SLC13A3: variants seen among roughly 807,000 people sequenced by gnomAD.
SLC13A3 encodes the protein solute carrier family 13 member 3.
A neutral mutation model predicts 59.0 loss-of-function variants in SLC13A3; 40 were observed. The observed-to-expected ratio is 0.68, with a 90% CI of 0.53 to 0.88. SLC13A3 has a LOEUF of 0.88. SLC13A3 is among the 40% of genes least tolerant of loss of function. The pLI, the probability that SLC13A3 is intolerant of heterozygous loss-of-function variation, is 0.00. For synonymous variants in SLC13A3, 317 were observed against 330.3 expected (o/e 0.96, Z 0.44); for missense variants, 699 against 783.2 (o/e 0.89, Z 1.28).
intron 12 of SLC13A3, among the ~76,000 whole-genome samples, chr20:46,561,105 A>G (rs775591412): frequency 6.6e-6 from 1 of 152,302 alleles, no homozygotes; most frequent in South Asian, 2.1e-4. Flanking sequence ...AGTTGAATGC[A>G]TATCTGATTG....
chr20:46,621,558 A>G (rs1023807873), intron 1 of SLC13A3, among the ~76,000 whole-genome samples: 1 of 152,186 alleles, frequency 6.6e-6, no homozygotes, highest in African/African-American at 2.4e-5. Flanking sequence ...TTTTTCATGA[A>G]CTTTTTGAAG....
intron 1 of SLC13A3, among the ~76,000 whole-genome samples, chr20:46,668,259 G>C (rs2063072195): frequency 6.6e-6 from 1 of 152,220 alleles, no homozygotes; most frequent in Non-Finnish European, 1.5e-5. Context: ...GGCCTCTTGT[G>C]CCAAACAGTT....
rs761562380 is a variant in SLC13A3 at position 46,559,976 on chromosome 20, C to T, written c.*46G>A. The T allele has an allele frequency of 5.0e-5, 78 of 1,560,664 alleles. No homozygotes were observed. The highest frequency in any genetic ancestry group is 6.3e-5 in the Non-Finnish European group (72 of 1,135,430). On this transcript the variant is annotated 3_prime_UTR_variant, in exon 13 of 13. Transcript: ENST00000279027. ...GTGTCCTAGCAGCAGGTGATGGTGA[C>T]AGCCCTTTGAGAGGGTTCAGCCTCA...
At chr20:46,616,195 A>G (rs183026720) in intron 1 of SLC13A3, among the ~76,000 whole-genome samples, 172 of 152,356 alleles carry the variant, frequency 1.1e-3, no homozygotes, top group African/African-American at 3.9e-3. Context: ...TTTGAGAATC[A>G]CAAGACCAGA....
At chr20:46,598,519 A>C (rs966423458) in intron 4 of SLC13A3, among the ~76,000 whole-genome samples, 15 of 152,336 alleles carry the variant, frequency 9.8e-5, no homozygotes, top group Admixed American at 3.9e-4. Flanking sequence ...TGGGTTTTGC[A>C]ACAGACCCAG....
chr20:46,636,769 G>A (rs988836842), intron 1 of SLC13A3, among the ~76,000 whole-genome samples: 4 of 151,822 alleles, frequency 2.6e-5, no homozygotes, highest in Non-Finnish European at 5.9e-5. Context: ...TGCTTCTTGG[G>A]CCCTGGGCTC....
intron 1 of SLC13A3, among the ~76,000 whole-genome samples, chr20:46,649,549 C>A (rs2062932617): frequency 1.3e-5 from 2 of 152,250 alleles, no homozygotes; most frequent in South Asian, 2.1e-4. Flanking sequence ...TGCCTATGGC[C>A]TCGCAGACAG....
chr20:46,676,889 G>C lies in SLC13A3; in HGVS notation c.-31+7507C>G, dbSNP rs149353165. Among the ~76,000 whole-genome samples, 704 of 152,226 alleles carry C rather than the reference G, an allele frequency of 4.6e-3. 8 individuals are homozygous for C. Among genetic ancestry groups the C allele is most frequent in the African/African-American group, 0.016 (653 of 41,550 alleles). The stretch of plus-strand genomic sequence containing the variant: ...ATGGCCTACGCCAGGGTGGCCAGGA[G>C]GGGGAACGGAGAGTAGTTCCAAATT... On this transcript the variant is annotated intron_variant, in intron 1 of 6. Transcript: ENST00000372121.
intron 5 of SLC13A3, among the ~76,000 whole-genome samples, chr20:46,595,850 T>C (rs752745627): frequency 1.2e-4 from 19 of 152,318 alleles, no homozygotes; most frequent in Admixed American, 2.0e-4. Flanking sequence ...ACGGGTGTCC[T>C]TGACCAACCT....
intron 1 of SLC13A3, among the ~76,000 whole-genome samples, chr20:46,669,041 C>T (rs2063076343): frequency 6.6e-6 from 1 of 152,300 alleles, no homozygotes; most frequent in East Asian, 1.9e-4. Flanking sequence ...GAAACTGAGA[C>T]TCAGAGGGAT....
At position 46,612,147 on chromosome 20, in the gene SLC13A3, T is replaced by TG. The variant is rs1555879621; in HGVS notation, c.377+1312dup. On this transcript the variant is annotated intron_variant, in intron 2 of 12. Coordinates refer to ENST00000279027, the MANE Select transcript of SLC13A3 (RefSeq NM_022829.6). ...TGCTTTTTTTTTTTTTTTTTTTTTTTGAGACAGGGTCTCACTGTTACTGAG... is the reference window on the plus strand; with the variant it reads ...TGCTTTTTTTTTTTTTTTTTTTTTTTGGAGACAGGGTCTCACTGTTACTGAG... Among the ~76,000 whole-genome samples, 873 of 145,574 alleles carry TG rather than the reference T, an allele frequency of 6.0e-3. 5 individuals are homozygous for TG. Among genetic ancestry groups the TG allele is most frequent in the Non-Finnish European group, 0.011 (706 of 66,194 alleles).
intron 11 of SLC13A3, 66 bp from the exon 12 acceptor site, chr20:46,563,617 A>AGAGAGAG: frequency 7.9e-7 from 1 of 1,272,928 alleles, no homozygotes; most frequent in Admixed American, 2.4e-5. Flanking sequence ...AGCAAGAGGG[A>AGAGAGAG]GAGAGAGAGA....
At chr20:46,620,913 C>A (rs1177449868) in intron 1 of SLC13A3, among the ~76,000 whole-genome samples, 1 of 152,100 alleles carries the variant, frequency 6.6e-6, no homozygotes, top group African/African-American at 2.4e-5. Context: ...GATCCTGAAG[C>A]ATTTCTTCTA....
upstream of SLC13A3, among the ~76,000 whole-genome samples, chr20:46,656,124 A>G (rs114422041): frequency 0.036 from 5,121 of 142,804 alleles, 287 homozygotes; most frequent in African/African-American, 0.12. Context: ...TGTATATAAT[A>G]TACCACACAG....
chr20:46,616,950 C>T (rs1422604954), intron 1 of SLC13A3, among the ~76,000 whole-genome samples: 1 of 152,176 alleles, frequency 6.6e-6, no homozygotes, highest in East Asian at 1.9e-4. Flanking sequence ...AGTCTTGGCT[C>T]CTGGTACAAA....
At chr20:46,635,916 C>A (rs1343254440) in intron 1 of SLC13A3, among the ~76,000 whole-genome samples, 1 of 152,170 alleles carries the variant, frequency 6.6e-6, no homozygotes, top group Non-Finnish European at 1.5e-5. Flanking sequence ...AAAGACACTC[C>A]CACCAGCACC....
chr20:46,655,218 A>AT (rs34819130), upstream of SLC13A3, among the ~76,000 whole-genome samples: 127,435 of 151,418 alleles, frequency 0.84, 54,352 homozygotes, highest in African/African-American at 0.95. Flanking sequence ...GTAGATTTAT[A>AT]ATATACACAT....
At chr20:46,585,655 G>A in intron 8 of SLC13A3, 2 of 1,283,494 alleles carry the variant, frequency 1.6e-6, no homozygotes, top group Non-Finnish European at 2.0e-6. Context: ...TAAAAGTCAG[G>A]AAAGATGTAT....
At chr20:46,624,522 T>G (rs1429274960) in intron 1 of SLC13A3, among the ~76,000 whole-genome samples, 1 of 152,214 alleles carries the variant, frequency 6.6e-6, no homozygotes, top group Non-Finnish European at 1.5e-5. Flanking sequence ...CAAGGCAAGC[T>G]GCTCATAGCA....
Sources: gnomAD v4.1 joint callset for allele counts (sites outside exome capture counted in the v4.1 genomes callset) on GRCh38, gnomAD v4.1.1 for gene constraint, MANE v1.5 for transcripts, NCBI Gene and HGNC (gene_info 2026-07-23, HGNC 2026-07-21) for gene names.